SPRR2G: variants seen among roughly 807,000 people sequenced by gnomAD.
SPRR2G encodes the protein small proline rich protein 2G.
Under a neutral mutation model 0.7 loss-of-function variants are expected in SPRR2G, and 1 was observed. That is an observed-to-expected ratio of 1.49 (90% CI 0.53 to 7.06). The LOEUF (loss-of-function observed/expected upper bound fraction) is 7.06, where lower values mean the gene tolerates loss of function less well. SPRR2G is among the 30% of genes most tolerant of loss of function. The pLI, the probability that SPRR2G is intolerant of heterozygous loss-of-function variation, is 0.14. For synonymous variants in SPRR2G, 38 were observed against 33.9 expected, an observed-to-expected ratio of 1.12 and a Z score of -0.42; for missense variants, 96 against 88.5, an observed-to-expected ratio of 1.09 and a Z score of -0.34.
chr1:153,159,061 T>A, the SPRR2G span, among the ~76,000 whole-genome samples: 5 of 152,222 alleles, frequency 3.3e-5, no homozygotes, highest in Admixed American at 1.3e-4. Flanking sequence ...CACGAAGATC[T>A]CTGAAATACT....
At chr1:153,163,987 G>C in the SPRR2G span, among the ~76,000 whole-genome samples, 1 of 152,014 alleles carries the variant, frequency 6.6e-6, no homozygotes, top group African/African-American at 2.4e-5. Context: ...TCACCAAATG[G>C]TATCAATACC....
chr1:153,202,503 A>G, the SPRR2G span, among the ~76,000 whole-genome samples: 336 of 152,304 alleles, frequency 2.2e-3, no homozygotes, highest in Non-Finnish European at 3.5e-3. Context: ...ACTAGGAAGA[A>G]GCCCTTTTGC....
chr1:153,180,264 C>G, the SPRR2G span, among the ~76,000 whole-genome samples: 5 of 152,236 alleles, frequency 3.3e-5, no homozygotes, highest in East Asian at 9.6e-4. Context: ...CAAAAGCAGT[C>G]CGAGTCACTA....
At chr1:153,152,744 A>G (rs1656498831), upstream of SPRR2G, among the ~76,000 whole-genome samples, 1 of 152,214 alleles carries the variant, frequency 6.6e-6, no homozygotes, top group African/African-American at 2.4e-5. Flanking sequence ...TAGGAACCAT[A>G]GCTGATGCAT....
chr1:153,200,552 T>C, the SPRR2G span, among the ~76,000 whole-genome samples: 1 of 152,258 alleles, frequency 6.6e-6, no homozygotes, highest in Non-Finnish European at 1.5e-5. Flanking sequence ...CTTGCAAATA[T>C]GACTGGCATG....
At chr1:153,155,652 A>G (rs1221240138), upstream of SPRR2G, among the ~76,000 whole-genome samples, 1 of 152,188 alleles carries the variant, frequency 6.6e-6, no homozygotes, top group African/African-American at 2.4e-5. Flanking sequence ...GGTCCATTAC[A>G]TAGCCCTTCC....
the SPRR2G span, among the ~76,000 whole-genome samples, chr1:153,160,112 T>C: frequency 7.7e-4 from 117 of 152,356 alleles, no homozygotes; most frequent in Non-Finnish European, 1.3e-3. Flanking sequence ...TCTGCTTCCA[T>C]AGGTCTGGAT....
chr1:153,197,132 A>ATG, the SPRR2G span, among the ~76,000 whole-genome samples: 3,955 of 140,244 alleles, frequency 0.028, 70 homozygotes, highest in South Asian at 0.059. Context: ...CAGGCAGAGA[A>ATG]TGTGTGTGTG....
chr1:153,177,822 T>A, the SPRR2G span, among the ~76,000 whole-genome samples: 1 of 152,066 alleles, frequency 6.6e-6, no homozygotes, highest in Non-Finnish European at 1.5e-5. Context: ...TTTTCTAGAT[T>A]CTTTGAATTT....
the SPRR2G span, among the ~76,000 whole-genome samples, chr1:153,180,787 T>C: frequency 6.6e-6 from 1 of 152,202 alleles, no homozygotes; most frequent in Non-Finnish European, 1.5e-5. Context: ...GTATTGTCTA[T>C]CTTTTTTCGT....
At chr1:153,195,002 T>C in the SPRR2G span, among the ~76,000 whole-genome samples, 1 of 152,132 alleles carries the variant, frequency 6.6e-6, no homozygotes, top group African/African-American at 2.4e-5. Context: ...TTATCTCCTG[T>C]TTTTTGCAGT....
chr1:153,154,170 G>T (rs1388033327), upstream of SPRR2G, among the ~76,000 whole-genome samples: 2 of 150,542 alleles, frequency 1.3e-5, no homozygotes, highest in Non-Finnish European at 3.0e-5. Flanking sequence ...AGAAAAGAAA[G>T]AAATTTATTG....
chr1:153,200,523 T>C, the SPRR2G span, among the ~76,000 whole-genome samples: 1 of 152,170 alleles, frequency 6.6e-6, no homozygotes, highest in Non-Finnish European at 1.5e-5. Flanking sequence ...CTGTAATGGA[T>C]GAGGGTGTAG....
At chr1:153,151,250 T>C (rs1656461973), upstream of SPRR2G, among the ~76,000 whole-genome samples, 1 of 152,224 alleles carries the variant, frequency 6.6e-6, no homozygotes, top group African/African-American at 2.4e-5. Context: ...TCTAGCTGTG[T>C]TCTCTTTAGT....
chr1:153,173,456 A>T, the SPRR2G span, among the ~76,000 whole-genome samples: 1 of 152,206 alleles, frequency 6.6e-6, no homozygotes, highest in East Asian at 1.9e-4. Context: ...ACAGAAAAAA[A>T]AATCTCAGAT....
At chr1:153,197,841 A>C in the SPRR2G span, among the ~76,000 whole-genome samples, 2 of 152,180 alleles carry the variant, frequency 1.3e-5, no homozygotes, top group Admixed American at 1.3e-4. Flanking sequence ...TTAGAGAGAA[A>C]AGCAATTGCG....
chr1:153,160,603 GAGGATGTGGAGAAAT>G, the SPRR2G span, among the ~76,000 whole-genome samples: 71,247 of 151,520 alleles, frequency 0.47, 17,751 homozygotes, highest in Non-Finnish European at 0.57. Flanking sequence ...AGGTGCTGGA[GAGGATGTGGAGAAAT>G]AGGAACACTT....
At chr1:153,202,476 G>A in the SPRR2G span, among the ~76,000 whole-genome samples, 32 of 152,196 alleles carry the variant, frequency 2.1e-4, no homozygotes, top group African/African-American at 6.5e-4. Flanking sequence ...TGGTGTCATC[G>A]TATTGCCTTC....
the SPRR2G span, among the ~76,000 whole-genome samples, chr1:153,197,144 GTGTGTGTGTGTGTGTGT>G: frequency 0.03 from 2,104 of 71,306 alleles, 47 homozygotes; most frequent in African/African-American, 0.13. Context: ...GTGTGTGTGT[GTGTGTGTGTGTGTGTGT>G]GTGTGTGTGT....
Sources: allele counts gnomAD v4.1 joint callset (sites outside exome capture counted in the v4.1 genomes callset), GRCh38; gene constraint gnomAD v4.1.1; transcripts MANE v1.5; gene names NCBI Gene and HGNC (gene_info 2026-07-23, HGNC 2026-07-21).